RNGTT: variants seen among roughly 807,000 people sequenced by gnomAD.
RNGTT encodes RNA guanylyltransferase and 5'-phosphatase, also known as mRNA-capping enzyme.
A neutral mutation model predicts 79.3 loss-of-function variants in RNGTT; 33 were observed. The ratio of observed to expected loss-of-function variants is 0.42; its 90% CI spans 0.32 to 0.56. The LOEUF (loss-of-function observed/expected upper bound fraction) is 0.56, where lower values mean the gene tolerates loss of function less well. Ranked by LOEUF, RNGTT falls within the 20% of genes least tolerant of loss-of-function variation. The pLI is 0.17. For synonymous variants in RNGTT, 222 were observed against 235.9 expected, an observed-to-expected ratio of 0.94 and a Z score of 0.54; for missense variants, 497 against 739.1, an observed-to-expected ratio of 0.67 and a Z score of 3.80.
At chr6:88,658,479 T>C (rs866533747) in intron 14 of RNGTT, among the ~76,000 whole-genome samples, 39 of 152,334 alleles carry the variant, frequency 2.6e-4, no homozygotes, top group Middle Eastern at 3.4e-3. Context: ...GCTGGGTGGC[T>C]AGACCTAGAA....
chr6:88,638,858 C>G (rs1341234850), intron 14 of RNGTT, among the ~76,000 whole-genome samples: 1 of 152,106 alleles, frequency 6.6e-6, no homozygotes, highest in Non-Finnish European at 1.5e-5. Flanking sequence ...TAACTGTTTT[C>G]TCTCAAGACA....
chr6:88,747,874 G>A (rs1333756008), intron 13 of RNGTT, among the ~76,000 whole-genome samples: 3 of 152,178 alleles, frequency 2.0e-5, no homozygotes, highest in African/African-American at 4.8e-5. Context: ...GTATATATCT[G>A]AATGTAATGA....
At chr6:88,784,086 C>A (rs1404741859) in intron 12 of RNGTT, among the ~76,000 whole-genome samples, 1 of 152,046 alleles carries the variant, frequency 6.6e-6, no homozygotes, top group East Asian at 1.9e-4. Context: ...TGAAATGTAA[C>A]ACAGTCAAAA....
intron 4 of RNGTT, among the ~76,000 whole-genome samples, chr6:88,910,473 C>A (rs148540851): frequency 6.6e-6 from 1 of 152,206 alleles, no homozygotes; most frequent in East Asian, 1.9e-4. Context: ...AACAAATGAA[C>A]AAAGCCTCTG....
Position 88,784,371 on chromosome 6 carries a change from T to C in RNGTT, c.1339-14497A>G, listed in dbSNP as rs143466585. Among the ~76,000 whole-genome samples the C allele has an allele frequency of 5.9e-5, 9 of 152,192 alleles. No homozygotes were observed. The East Asian group carries it at 1.7e-3, about 29-fold the overall frequency. ...TTAAATAACTAAAAATTAATACACG[T>C]TAAGTGCTTTGAGGCCAATGGGAAT... On this transcript the variant is annotated intron_variant, in intron 12 of 15. Coordinates refer to ENST00000369485, the MANE Select transcript of RNGTT (RefSeq NM_003800.5).
intron 11 of RNGTT, among the ~76,000 whole-genome samples, chr6:88,836,484 G>A (rs566752777): frequency 2.6e-5 from 4 of 152,108 alleles, no homozygotes; most frequent in African/African-American, 4.8e-5. Context: ...GCTCACGCTT[G>A]TAATCCCATC....
chr6:88,946,635 TCC>T (rs1785018988), intron 1 of RNGTT, among the ~76,000 whole-genome samples: 1 of 147,518 alleles, frequency 6.8e-6, no homozygotes, highest in African/African-American at 2.5e-5. Context: ...GCTCTCCCTC[TCC>T]CTCTCCCTCT....
At chr6:88,878,217 T>TCCC (rs1178058701) in intron 8 of RNGTT, among the ~76,000 whole-genome samples, 1 of 152,006 alleles carries the variant, frequency 6.6e-6, no homozygotes, top group East Asian at 1.9e-4. Flanking sequence ...TGTCTCAGCC[T>TCCC]CCCAGGTAGC....
chr6:88,771,315 G>GTATATA (rs539282627), intron 12 of RNGTT, among the ~76,000 whole-genome samples: 1,115 of 61,842 alleles, frequency 0.018, 16 homozygotes, highest in East Asian at 0.04. Context: ...GTGTGTGTGT[G>GTATATA]TATATATATA....
chr6:88,908,640 G>C (rs985890744), intron 4 of RNGTT, among the ~76,000 whole-genome samples: 3 of 152,112 alleles, frequency 2.0e-5, no homozygotes, highest in Admixed American at 1.3e-4. Context: ...TGGGATCCTA[G>C]CTACAAGATT....
chr6:88,801,856 CACAA>C (rs1271111594), intron 11 of RNGTT, among the ~76,000 whole-genome samples: 2 of 150,536 alleles, frequency 1.3e-5, no homozygotes, highest in Non-Finnish European at 3.0e-5. Context: ...CACACACACA[CACAA>C]ATTTCCATTC....
At chr6:88,772,773 T>G (rs1270263701) in intron 12 of RNGTT, among the ~76,000 whole-genome samples, 1 of 151,426 alleles carries the variant, frequency 6.6e-6, no homozygotes, top group South Asian at 2.1e-4. Flanking sequence ...CAATGAGATA[T>G]CATCTCACAC....
intron 10 of RNGTT, among the ~76,000 whole-genome samples, chr6:88,847,215 G>A (rs1449211193): frequency 1.3e-5 from 2 of 151,666 alleles, no homozygotes; most frequent in African/African-American, 2.4e-5. Context: ...CCAATGAAAC[G>A]CTGTGCAAAT....
intron 8 of RNGTT, among the ~76,000 whole-genome samples, chr6:88,881,236 G>A (rs2127927725): frequency 6.6e-6 from 1 of 152,228 alleles, no homozygotes; most frequent in East Asian, 1.9e-4. Flanking sequence ...TAAAGACATA[G>A]TAAAGCGACT....
rs141267696 is a variant in RNGTT at position 88,701,740 on chromosome 6, A to G, written c.1440-23321T>C. On this transcript the variant is annotated intron_variant, in intron 13 of 15. Transcript: ENST00000369485. Reference sequence around the variant, plus strand: ...GATATGGAAGCTAATGGAAATGACCAATTTATCTAAAGGCACACAGATTGT... The same window carrying G: ...GATATGGAAGCTAATGGAAATGACCGATTTATCTAAAGGCACACAGATTGT... Among the ~76,000 whole-genome samples, 427 of 152,232 alleles carry G rather than the reference A, an allele frequency of 2.8e-3. 3 individuals are homozygous for G. The highest frequency in any genetic ancestry group is 8.5e-4 in the Non-Finnish European group (58 of 67,954).
chr6:88,763,438 A>G (rs1404125433), intron 13 of RNGTT, among the ~76,000 whole-genome samples: 10 of 152,166 alleles, frequency 6.6e-5, no homozygotes. Flanking sequence ...TCTATCTTAA[A>G]CATTTTGAGG....
At chr6:88,939,084 G>A (rs1784763247) in intron 2 of RNGTT, among the ~76,000 whole-genome samples, 1 of 152,148 alleles carries the variant, frequency 6.6e-6, no homozygotes, top group Non-Finnish European at 1.5e-5. Context: ...ACGCGTTGTG[G>A]AGAAGACCTT....
intron 8 of RNGTT, among the ~76,000 whole-genome samples, chr6:88,873,029 G>C (rs946233534): frequency 6.6e-6 from 1 of 151,786 alleles, no homozygotes; most frequent in Non-Finnish European, 1.5e-5. Flanking sequence ...AGAAAAATCA[G>C]AGAGCTCTTC....
At chr6:88,732,051 T>C (rs1777133822) in intron 13 of RNGTT, among the ~76,000 whole-genome samples, 1 of 151,990 alleles carries the variant, frequency 6.6e-6, no homozygotes, top group South Asian at 2.1e-4. Context: ...GCTGAGGAGA[T>C]GGAAGAAGAG....
Sources: gnomAD v4.1 joint callset for allele counts (sites outside exome capture counted in the v4.1 genomes callset) on GRCh38, gnomAD v4.1.1 for gene constraint, MANE v1.5 for transcripts, NCBI Gene and HGNC (gene_info 2026-07-23, HGNC 2026-07-21) for gene names.